PRICKLE3: variants seen among roughly 807,000 people sequenced by gnomAD.
PRICKLE3 encodes LIM domain only protein 6.
Under a neutral mutation model 33.8 loss-of-function variants are expected in PRICKLE3, and 17 were observed. The observed-to-expected ratio is 0.50, with a 90% CI of 0.34 to 0.75. PRICKLE3 has a LOEUF of 0.75. Among genes scored for constraint, PRICKLE3 ranks in the 30% least tolerant of loss-of-function variants. The pLI is 0.01. For missense variants in PRICKLE3, 573 were observed against 576.7 expected, an observed-to-expected ratio of 0.99 and a Z score of 0.07; for synonymous variants, 211 against 219.6, an observed-to-expected ratio of 0.96 and a Z score of 0.34.
chrX:49,177,852 C>T, intron 7 of PRICKLE3, 141 bp downstream of exon 7: 2 of 620,510 alleles, frequency 3.2e-6, no homozygotes, highest in Non-Finnish European at 4.5e-6. Flanking sequence ...ACCAAGCGTA[C>T]AGGTCTATAG....
At chrX:49,184,390 G>T (rs2065472169) in intron 2 of PRICKLE3, among the ~76,000 whole-genome samples, 1 of 111,921 alleles carries the variant, frequency 8.9e-6, no homozygotes, top group Non-Finnish European at 1.9e-5. Flanking sequence ...CGACTCCGCG[G>T]CTACGGGAGA....
At chrX:49,185,302 G>T (rs1336643941) in intron 1 of PRICKLE3, among the ~76,000 whole-genome samples, 1 of 111,372 alleles carries the variant, frequency 9.0e-6, no homozygotes, top group African/African-American at 3.3e-5. Flanking sequence ...ATCTCAGGAG[G>T]CCCCTGCTCC....
At chrX:49,185,695 G>A (rs1389488859) in intron 1 of PRICKLE3, among the ~76,000 whole-genome samples, 1 of 110,663 alleles carries the variant, frequency 9.0e-6, no homozygotes. Context: ...GAGGTCAGGA[G>A]TTCGAGACCA....
chrX:49,175,841 A>G lies in PRICKLE3; in HGVS notation c.1680T>C (p.Asp560=), dbSNP rs1295033420. 2 of 1,210,862 alleles carry G rather than the reference A, an allele frequency of 1.7e-6. No homozygotes were observed. Among genetic ancestry groups the G allele is most frequent in the African/African-American group, 1.7e-5 (1 of 57,435 alleles). Residue 560 remains aspartate, a synonymous_variant, in exon 9 of 9, where the codon GAT becomes GAC. Transcript: ENST00000599218. ...GGATGCGCTCTCCTAGGAAGAAGCC[A>G]TCATCCTCTGATGATTCGGAACTGG... ...SSSSSESSED[D]GFFLGERIPL...
chrX:49,184,069 C>CGTAGTGGGTGGAGCTCTCCTGGGAA (rs1557101551), intron 2 of PRICKLE3, 152 bp from the exon 3 acceptor site: 1 of 693,627 alleles, frequency 1.4e-6, no homozygotes, highest in East Asian at 3.6e-5. Flanking sequence ...GGCAGGGCTG[C>CGTAGTGGGTGGAGCTCTCCTGGGAA]AGGAGGTGGG....
intron 3 of PRICKLE3, among the ~76,000 whole-genome samples, chrX:49,180,639 C>T (rs987821086): frequency 2.7e-5 from 3 of 111,706 alleles, no homozygotes; most frequent in African/African-American, 9.8e-5. Flanking sequence ...TTTCCTTCCA[C>T]CTTATTGGCT....
chrX:49,184,921 A>G, intron 1 of PRICKLE3: 1 of 1,096,921 alleles, frequency 9.1e-7, no homozygotes, highest in Non-Finnish European at 1.2e-6. Flanking sequence ...ACCTCCTTAT[A>G]TGTCCCCTTT....
intron 7 of PRICKLE3, among the ~76,000 whole-genome samples, chrX:49,177,667 T>G (rs2065426649): frequency 9.1e-6 from 1 of 109,813 alleles, no homozygotes; most frequent in African/African-American, 3.3e-5. Context: ...TACAGGAGAG[T>G]GGAGGAGAAC....
Position 49,176,136 on chromosome X carries a change from T to C in PRICKLE3, c.1385A>G (p.Asp462Gly). 4 of 1,204,375 alleles carry C rather than the reference T, an allele frequency of 3.3e-6. No homozygotes were observed. The highest frequency in any genetic ancestry group is 4.5e-6 in the Non-Finnish European group (4 of 892,593). ...ESPGQPNLRP[D>G]DSAFGRQSTP... ...GCTCTGACGACCGAAGGCACTATCATCTGGGCGCAGGTTAGGCTGGCCGGG... is the reference window on the plus strand; with the variant it reads ...GCTCTGACGACCGAAGGCACTATCACCTGGGCGCAGGTTAGGCTGGCCGGG... The change falls in exon 9 of 9, where the codon GAT (aspartate) becomes GGT (glycine). Residue 462 changes from aspartate to glycine, a missense_variant. Physicochemically the swap from Asp to Gly is moderately conservative, Grantham distance 94. Transcript: ENST00000599218.
intron 3 of PRICKLE3, among the ~76,000 whole-genome samples, chrX:49,181,362 C>G (rs2065448024): frequency 2.1e-5 from 2 of 93,225 alleles, no homozygotes; most frequent in African/African-American, 4.1e-5. Context: ...AGTGAGACCC[C>G]CCCCCATATA....
Position 49,177,123 on chromosome X carries a change from CCCACA to C in PRICKLE3, c.1030_1034del (p.Cys344AlafsTer78). On this transcript the variant is annotated frameshift_variant, in exon 8 of 9. Transcript: ENST00000599218. LOFTEE classifies it high-confidence loss of function. Reference sequence around the variant, plus strand: ...GGAATGGGCGGCCCAGCAGGGCCCGCCCACAGCGACTACAGCAGAAGCAGCGGTCT... The same window carrying C: ...GGAATGGGCGGCCCAGCAGGGCCCGCGCGACTACAGCAGAAGCAGCGGTCT... 1 of 1,200,091 alleles carries C rather than the reference CCCACA, an allele frequency of 8.3e-7. No homozygotes were observed. The highest frequency in any genetic ancestry group is 2.2e-5 in the Admixed American group (1 of 44,478).
At position 49,178,447 on chromosome X, in the gene PRICKLE3, A is replaced by G; in HGVS notation, c.593T>C (p.Ile198Thr). Reference sequence around the variant, plus strand: ...GCCTGCACGGCTGGCAAACACTGCGATGTCCCCACCTCCAATCTGCTTTCC... The same window carrying G: ...GCCTGCACGGCTGGCAAACACTGCGGTGTCCCCACCTCCAATCTGCTTTCC... ...ECGKQIGGGD[I>T]AVFASRAGLG... is the part of the protein sequence containing the mutation. Residue 198 changes from isoleucine to threonine, a missense_variant, in exon 6 of 9, where the codon ATC becomes ACC. Physicochemically the swap from Ile to Thr is moderately conservative, Grantham distance 89. Transcript: ENST00000599218. 11 of 1,210,873 alleles carry G rather than the reference A, an allele frequency of 9.1e-6. No homozygotes were observed. Among genetic ancestry groups the G allele is most frequent in the East Asian group, 3.0e-5 (1 of 33,826 alleles).
At chrX:49,183,564 A>C in intron 3 of PRICKLE3, 170 bp downstream of exon 3, 2 of 1,048,041 alleles carry the variant, frequency 1.9e-6, no homozygotes, top group Non-Finnish European at 2.5e-6. Flanking sequence ...CACCCAAGGT[A>C]TGGGGGGCTG....
At chrX:49,180,149 C>A (rs1221301184) in intron 3 of PRICKLE3, among the ~76,000 whole-genome samples, 3 of 106,181 alleles carry the variant, frequency 2.8e-5, no homozygotes, top group African/African-American at 1.0e-4. Flanking sequence ...ATTCTCCTGC[C>A]TCAGCCTCCT....
Position 49,183,893 on chromosome X carries a change from G to A in PRICKLE3, c.153C>T (p.Cys51=). ...GWRKICQHCK[C]PREEHAVHAV... is the part of the protein sequence containing the mutation. ...CGTGCACTGCATGCTCCTCCCGCGG[G>A]CATTTGCAATGCTGGCAGATCTTTC... Residue 51 remains cysteine (C), a synonymous_variant, in exon 3 of 9, where the codon TGC becomes TGT. Transcript: ENST00000599218. 2 of 1,208,201 alleles carry A rather than the reference G, an allele frequency of 1.7e-6. No homozygotes were observed. The highest frequency in any genetic ancestry group is 2.2e-6 in the Non-Finnish European group (2 of 892,588).
intron 3 of PRICKLE3, 72 bp from the exon 4 acceptor site, chrX:49,179,878 C>A: frequency 1.8e-6 from 1 of 564,214 alleles, no homozygotes; most frequent in Non-Finnish European, 2.8e-6. Context: ...GATGGCGGGT[C>A]CCCATTTCTC....
At chrX:49,182,482 C>T (rs782085868) in intron 3 of PRICKLE3, among the ~76,000 whole-genome samples, 20 of 112,598 alleles carry the variant, frequency 1.8e-4, no homozygotes, top group Non-Finnish European at 3.0e-4. Flanking sequence ...GCTCACTCTG[C>T]GCCAGCAGCA....
At chrX:49,180,035 C>CTTT (rs150588040) in intron 3 of PRICKLE3, among the ~76,000 whole-genome samples, 808 of 54,212 alleles carry the variant, frequency 0.015, 1 homozygote, top group Non-Finnish European at 0.018. Flanking sequence ...TGCTGATCAC[C>CTTT]TTTTTTTTTT....
chrX:49,175,821 C>G lies in PRICKLE3; in HGVS notation c.1700G>C (p.Arg567Pro). The G allele has an allele frequency of 8.3e-7, 1 of 1,212,058 alleles. No homozygotes were observed. The highest frequency in any genetic ancestry group is 1.1e-6 in the Non-Finnish European group (1 of 895,505). Residue 567 changes from arginine (R) to proline (P), a missense_variant, in exon 9 of 9, where the codon CGC becomes CCC. Physicochemically the swap from Arg to Pro is moderately radical, Grantham distance 103 (BLOSUM62 -2). Transcript: ENST00000599218. Reference protein sequence around the residue: ...SEDDGFFLGERIPLPPHLCRP... With the variant: ...SEDDGFFLGEPIPLPPHLCRP... ...GCACAAATGCGGGGGCAGAGGGATG[C>G]GCTCTCCTAGGAAGAAGCCATCATC...
Sources: allele counts gnomAD v4.1 joint callset (sites outside exome capture counted in the v4.1 genomes callset), GRCh38; gene constraint gnomAD v4.1.1; transcripts MANE v1.5; gene names NCBI Gene and HGNC (gene_info 2026-07-23, HGNC 2026-07-21).